Variants in ABCC4 observed in about 807,000 individuals in gnomAD.
ABCC4 encodes ATP-binding cassette sub-family C member 4.
ABCC4 carries 102 observed loss-of-function variants against 168.5 expected under a neutral mutation model. The observed-to-expected ratio is 0.61, with a 90% CI of 0.52 to 0.71. The LOEUF (loss-of-function observed/expected upper bound fraction) is 0.71. Among genes scored for constraint, ABCC4 ranks in the 30% least tolerant of loss-of-function variants. ABCC4 has a pLI of 0.00. For synonymous variants in ABCC4, 617 were observed against 590.7 expected, an observed-to-expected ratio of 1.04 and a Z score of -0.65; for missense variants, 1,402 against 1,605.8, an observed-to-expected ratio of 0.87 and a Z score of 2.17.
chr13:95,126,253 G>T (rs146003733), intron 19 of ABCC4, among the ~76,000 whole-genome samples: 1 of 152,042 alleles, frequency 6.6e-6, no homozygotes, highest in Non-Finnish European at 1.5e-5. Context: ...CTATTGGAGG[G>T]GTAAAAACAA....
chr13:95,245,672 C>T (rs1297583811), intron 3 of ABCC4, among the ~76,000 whole-genome samples: 2 of 152,154 alleles, frequency 1.3e-5, no homozygotes, highest in Non-Finnish European at 2.9e-5. Context: ...TCAAAGGTGG[C>T]ATTCACCATC....
At chr13:95,120,129 C>T (rs994144166) in intron 19 of ABCC4, among the ~76,000 whole-genome samples, 7 of 62,290 alleles carry the variant, frequency 1.1e-4, no homozygotes, top group Non-Finnish European at 1.0e-4. Flanking sequence ...CATTCTGTAC[C>T]ACAAAAATGG....
intron 22 of ABCC4, chr13:95,075,047 T>A (rs1248451800): frequency 5.8e-6 from 1 of 173,674 alleles, no homozygotes; most frequent in Non-Finnish European, 1.2e-5. Flanking sequence ...CACAGCCATT[T>A]GCCAATGTAT....
At chr13:95,176,224 A>AGGGG (rs1208949213) in intron 13 of ABCC4, among the ~76,000 whole-genome samples, 1 of 5,806 alleles carries the variant, frequency 1.7e-4, no homozygotes, top group Non-Finnish European at 4.1e-4. Context: ...AGCCGAGGGC[A>AGGGG]GGGGGGGGGG....
At chr13:95,238,086 T>G (rs1040476364) in intron 3 of ABCC4, among the ~76,000 whole-genome samples, 3 of 147,782 alleles carry the variant, frequency 2.0e-5, no homozygotes, top group Non-Finnish European at 4.4e-5. Flanking sequence ...TCCCAGCTAC[T>G]GGGGAGGCTG....
At chr13:95,074,127 G>T in intron 23 of ABCC4, 87 bp downstream of exon 23, 1 of 1,007,132 alleles carries the variant, frequency 9.9e-7, no homozygotes, top group Non-Finnish European at 1.5e-6. Context: ...GTATGTAGTA[G>T]TAGACAAGGT....
chr13:95,153,363 G>A (rs1436280010), intron 19 of ABCC4, among the ~76,000 whole-genome samples: 3 of 152,118 alleles, frequency 2.0e-5, no homozygotes, highest in Admixed American at 6.6e-5. Context: ...CAAGTTAGCC[G>A]AAGATAAAGA....
chr13:95,088,610 A>G lies in ABCC4; in HGVS notation c.2536-5320T>C, dbSNP rs534178574. Among the ~76,000 whole-genome samples, 3 of 152,306 alleles carry G rather than the reference A, an allele frequency of 2.0e-5. No individual in the cohort carries two copies. The East Asian group carries it at 5.8e-4, about 29-fold the overall frequency. On this transcript the variant is annotated intron_variant, in intron 20 of 30. Transcript: ENST00000645237. ...GTTAGGAATTCAGCAATATATTTCT[A>G]TATAACACCTGTTTCAAATAAATTA...
chr13:95,287,981 G>A (rs1212157627), intron 1 of ABCC4, among the ~76,000 whole-genome samples: 1 of 152,072 alleles, frequency 6.6e-6, no homozygotes, highest in Non-Finnish European at 1.5e-5. Flanking sequence ...GACGGAGGTT[G>A]CAGTGAGCCG....
intron 4 of ABCC4, among the ~76,000 whole-genome samples, chr13:95,229,315 G>A (rs1322875365): frequency 1.3e-5 from 2 of 152,174 alleles, no homozygotes; most frequent in African/African-American, 2.4e-5. Context: ...GAAGGTGGAA[G>A]ATGAAGGACA....
At chr13:95,272,332 G>A (rs993840241) in intron 1 of ABCC4, among the ~76,000 whole-genome samples, 1 of 151,976 alleles carries the variant, frequency 6.6e-6, no homozygotes, top group Non-Finnish European at 1.5e-5. Context: ...GAGCCAACAC[G>A]CCAAGCCTCT....
At chr13:95,084,658 A>T (rs1678349) in intron 20 of ABCC4, among the ~76,000 whole-genome samples, 1 of 152,112 alleles carries the variant, frequency 6.6e-6, no homozygotes, top group African/African-American at 2.4e-5. Flanking sequence ...TAGCTTTAAC[A>T]CTTGGATATG....
At chr13:95,268,978 G>A (rs1158595861) in intron 1 of ABCC4, among the ~76,000 whole-genome samples, 2 of 152,172 alleles carry the variant, frequency 1.3e-5, no homozygotes, top group African/African-American at 4.8e-5. Context: ...ACACCCACAG[G>A]TGTGGAGGGG....
intron 30 of ABCC4, among the ~76,000 whole-genome samples, chr13:95,027,481 C>T (rs906778574): frequency 1.4e-4 from 21 of 152,152 alleles, no homozygotes; most frequent in Middle Eastern, 6.3e-3. Flanking sequence ...TTCCACAGCA[C>T]CACTAGTGGG....
intron 3 of ABCC4, among the ~76,000 whole-genome samples, chr13:95,240,102 A>G (rs9524858): frequency 0.29 from 44,240 of 152,084 alleles, 7,027 homozygotes; most frequent in Non-Finnish European, 0.35. Flanking sequence ...AGATCTAACT[A>G]CTAACTTCTG....
chr13:95,045,975 C>T (rs947533050), intron 27 of ABCC4, among the ~76,000 whole-genome samples: 2 of 152,146 alleles, frequency 1.3e-5, no homozygotes, highest in African/African-American at 4.8e-5. Flanking sequence ...TGATATTTGG[C>T]ATTAGCATGC....
At chr13:95,286,879 C>T (rs1399684241) in intron 1 of ABCC4, among the ~76,000 whole-genome samples, 1 of 151,316 alleles carries the variant, frequency 6.6e-6, no homozygotes, top group Non-Finnish European at 1.5e-5. Context: ...ATTGCTTGAA[C>T]CCCGAGGCAG....
intron 8 of ABCC4, 65 bp from the exon 9 acceptor site, chr13:95,195,002 C>T (rs1337695184): frequency 3.7e-6 from 5 of 1,354,330 alleles, no homozygotes; most frequent in African/African-American, 1.5e-5. Flanking sequence ...ACAAAAGTCA[C>T]TGCTTCCATG....
At chr13:95,044,093 A>G (rs1029230977) in intron 28 of ABCC4, among the ~76,000 whole-genome samples, 173 bp downstream of exon 28, 6 of 152,192 alleles carry the variant, frequency 3.9e-5, no homozygotes, top group African/African-American at 9.7e-5. Context: ...TATCTCTGAC[A>G]CTGGAAAACA....
Sources: gnomAD v4.1 joint callset for allele counts (sites outside exome capture counted in the v4.1 genomes callset) on GRCh38, gnomAD v4.1.1 for gene constraint, MANE v1.5 for transcripts, NCBI Gene and HGNC (gene_info 2026-07-23, HGNC 2026-07-21) for gene names.